The following SNX4 variants were observed in gnomAD, a reference collection of about 807,000 sequenced individuals.
SNX4 encodes the protein sorting nexin 4, also known as sorting nexin-4.
SNX4 carries 49 observed loss-of-function variants against 70.8 expected under a neutral mutation model. That is an observed-to-expected ratio of 0.69 (90% CI 0.55 to 0.88). The LOEUF is 0.88. Ranked by LOEUF, SNX4 falls within the 40% of genes least tolerant of loss-of-function variation. The pLI is 0.00. For missense variants in SNX4, 528 were observed against 544.8 expected, an observed-to-expected ratio of 0.97 and a Z score of 0.31; for synonymous variants, 206 against 183.8, an observed-to-expected ratio of 1.12 and a Z score of -0.98.
In SNX4 at chr3:125,467,900, C is replaced by A. The variant is rs547089264; in HGVS notation, c.854+1554G>T. Among the ~76,000 whole-genome samples, 11 of 152,258 alleles carry A rather than the reference C, an allele frequency of 7.2e-5. No individual in the cohort carries two copies. In the East Asian group the frequency reaches 2.1e-3, roughly 29 times the overall value. On this transcript the variant is annotated intron_variant, in intron 9 of 13. Transcript: ENST00000251775. The stretch of plus-strand genomic sequence containing the variant: ...GTCTCCCAGTACTGGGTCTATATCC[C>A]CCAAAATATAAATTATTCTACCATA...
At position 125,495,277 on chromosome 3, in the gene SNX4, T is replaced by TATATATATATATATATATATATAC; in HGVS notation, c.597+2063_597+2064insGTATATATATATATATATATATAT. Among the ~76,000 whole-genome samples, 208 of 99,510 alleles carry TATATATATATATATATATATATAC rather than the reference T, an allele frequency of 2.1e-3. 3 individuals are homozygous for TATATATATATATATATATATATAC. Among genetic ancestry groups the TATATATATATATATATATATATAC allele is most frequent in the East Asian group, 7.5e-3 (20 of 2,650 alleles). The allele number at this position is 99,510 out of a possible 152,430, so 65.3% of individuals were successfully genotyped here. A position where few individuals can be genotyped will look rare whatever the true frequency, so the allele number is the denominator to read the frequency against. ...ATATATATATATATATATATATATA[T>TATATATATATATATATATATATAC]ACACATACACACACACACACGTATG... is the stretch of plus-strand genomic sequence containing the variant. On this transcript the variant is annotated intron_variant, in intron 5 of 13. Transcript: ENST00000251775.
In SNX4 at chr3:125,480,336, A is replaced by G. The variant is rs1242069770; in HGVS notation, c.654-17T>C. The G allele has an allele frequency of 1.4e-6, 2 of 1,469,412 alleles. No individual in the cohort carries two copies. The highest frequency in any genetic ancestry group is 2.4e-5 in the East Asian group (1 of 41,174). 91.0% of individuals were successfully genotyped at this position (1,469,412 alleles called of 1,614,324 possible). A position where few individuals can be genotyped will look rare whatever the true frequency, so the allele number is the denominator to read the frequency against. On this transcript the variant is annotated splice_polypyrimidine_tract_variant and intron_variant, in intron 6 of 13. Coordinates refer to ENST00000251775, the MANE Select transcript of SNX4 (RefSeq NM_003794.4). ...GTAAATCTCCTGAAACAGGAAACAA[A>G]TAAAACATCGTTTTTCAAATGAAAA...
chr3:125,465,683 C>T (rs1933993980), intron 9 of SNX4, among the ~76,000 whole-genome samples: 1 of 152,058 alleles, frequency 6.6e-6, no homozygotes, highest in South Asian at 2.1e-4. Context: ...CACTCTGTCA[C>T]CTAGGCTGGA....
intron 1 of SNX4, among the ~76,000 whole-genome samples, chr3:125,507,953 T>TA (rs796917528): frequency 2.0e-5 from 3 of 152,000 alleles, no homozygotes; most frequent in South Asian, 4.1e-4. Context: ...AATGAAATTA[T>TA]AAAAATAAGT....
At position 125,480,345 on chromosome 3, in the gene SNX4, C is replaced by G. The variant is rs377668124; in HGVS notation, c.654-26G>C. The G allele has an allele frequency of 4.9e-6, 7 of 1,423,472 alleles. No homozygotes were observed. The East Asian group carries it at 1.0e-4, about 20-fold the overall frequency. 88.2% of individuals were successfully genotyped at this position (1,423,472 alleles called of 1,614,324 possible). ...CTGAAACAGGAAACAAATAAAACAT[C>G]GTTTTTCAAATGAAAACAAGCAGTC... On this transcript the variant is annotated intron_variant, in intron 6 of 13. Transcript: ENST00000251775.
intron 8 of SNX4, among the ~76,000 whole-genome samples, chr3:125,475,566 T>C (rs779366022): frequency 2.0e-5 from 3 of 152,200 alleles, no homozygotes; most frequent in Non-Finnish European, 2.9e-5. Flanking sequence ...GGTTTCACCA[T>C]GTTGGCCAGG....
At chr3:125,453,991 A>C in intron 11 of SNX4, 36 bp from the exon 12 acceptor site, 1 of 1,584,780 alleles carries the variant, frequency 6.3e-7, no homozygotes, top group Non-Finnish European at 8.6e-7. Flanking sequence ...TGGATAAACA[A>C]AATGCGGCAT....
chr3:125,516,219 C>G (rs1580014497), intron 1 of SNX4, among the ~76,000 whole-genome samples: 1 of 152,254 alleles, frequency 6.6e-6, no homozygotes, highest in East Asian at 1.9e-4. Context: ...TGGCAAATAC[C>G]TGTCTGTTAA....
intron 2 of SNX4, among the ~76,000 whole-genome samples, chr3:125,498,834 T>C (rs1383253352): frequency 6.6e-6 from 1 of 152,220 alleles, no homozygotes; most frequent in Non-Finnish European, 1.5e-5. Context: ...AAATAATTGA[T>C]TTTATAATAT....
At chr3:125,485,039 C>T (rs1934490734) in intron 6 of SNX4, among the ~76,000 whole-genome samples, 1 of 151,794 alleles carries the variant, frequency 6.6e-6, no homozygotes, top group Non-Finnish European at 1.5e-5. Flanking sequence ...TGCACTCCAG[C>T]TTGGCGAGAG....
intron 2 of SNX4, among the ~76,000 whole-genome samples, chr3:125,500,052 C>T (rs1934890463): frequency 6.6e-6 from 1 of 151,700 alleles, no homozygotes; most frequent in African/African-American, 2.4e-5. Flanking sequence ...AAGAGCGAAA[C>T]TCCATCTCAA....
chr3:125,499,248 T>C (rs1934874214), intron 2 of SNX4, among the ~76,000 whole-genome samples: 1 of 152,106 alleles, frequency 6.6e-6, no homozygotes, highest in Admixed American at 6.5e-5. Flanking sequence ...ACCAGTCTTC[T>C]AAACATTATC....
At chr3:125,504,271 T>G (rs1934994234) in intron 2 of SNX4, among the ~76,000 whole-genome samples, 1 of 148,894 alleles carries the variant, frequency 6.7e-6, no homozygotes, top group Non-Finnish European at 1.5e-5. Flanking sequence ...AGACAGAGAT[T>G]GCAGTGAGCC....
At chr3:125,479,639 T>C (rs1934361307) in intron 7 of SNX4, among the ~76,000 whole-genome samples, 1 of 152,174 alleles carries the variant, frequency 6.6e-6, no homozygotes, top group South Asian at 2.1e-4. Flanking sequence ...CCTGGTATCC[T>C]AGTCTCTTTC....
At chr3:125,488,452 G>A (rs1169928664) in intron 6 of SNX4, among the ~76,000 whole-genome samples, 1 of 151,946 alleles carries the variant, frequency 6.6e-6, no homozygotes, top group African/African-American at 2.4e-5. Context: ...TCCAGCCTGG[G>A]CGACAGAGCA....
At chr3:125,502,933 T>C (rs1934964193) in intron 2 of SNX4, among the ~76,000 whole-genome samples, 1 of 151,566 alleles carries the variant, frequency 6.6e-6, no homozygotes, top group Non-Finnish European at 1.5e-5. Flanking sequence ...TTTTTTTTTC[T>C]TTTTTTGAGA....
At position 125,453,496 on chromosome 3, in the gene SNX4, T is replaced by TTA. The variant is rs1559808136; in HGVS notation, c.1190+313_1190+314insTA. On this transcript the variant is annotated intron_variant, in intron 12 of 13. Transcript: ENST00000251775. ...TTTTGATAATTCAACTTTCTTTTAT[T>TTA]TTTATTTATTTATTTATTTATTTAT... Among the ~76,000 whole-genome samples the TTA allele has an allele frequency of 2.4e-3, 297 of 121,730 alleles. 3 individuals carry two copies. The highest frequency in any genetic ancestry group is 0.019 in the South Asian group (66 of 3,522). 79.9% of individuals were successfully genotyped at this position (121,730 alleles called of 152,430 possible). A position where few individuals can be genotyped will look rare whatever the true frequency, so the allele number is the denominator to read the frequency against.
chr3:125,486,076 T>C (rs992939515), intron 6 of SNX4, among the ~76,000 whole-genome samples: 2 of 152,158 alleles, frequency 1.3e-5, no homozygotes, highest in Non-Finnish European at 2.9e-5. Flanking sequence ...CCTGACCTCG[T>C]GATCCACCCA....
At chr3:125,460,475 C>A (rs1472621822) in intron 10 of SNX4, among the ~76,000 whole-genome samples, 1 of 152,164 alleles carries the variant, frequency 6.6e-6, no homozygotes, top group South Asian at 2.1e-4. Flanking sequence ...GTTACACACA[C>A]TGAATCTGTA....
Sources: allele counts gnomAD v4.1 joint callset (sites outside exome capture counted in the v4.1 genomes callset), GRCh38; gene constraint gnomAD v4.1.1; transcripts MANE v1.5; gene names NCBI Gene and HGNC (gene_info 2026-07-23, HGNC 2026-07-21).